TWSG1: variants seen among roughly 807,000 people sequenced by gnomAD.
TWSG1 encodes the protein twisted gastrulation protein homolog 1.
In TWSG1, 15 loss-of-function variants were observed where a neutral mutation model predicts 23.0. The observed-to-expected ratio is 0.65, with a 90% CI of 0.44 to 1.00. The LOEUF is 1.00. Among genes scored for constraint, TWSG1 ranks in the 50% least tolerant of loss-of-function variants. The pLI is 0.00. For missense variants in TWSG1, 242 were observed against 278.7 expected, an observed-to-expected ratio of 0.87 and a Z score of 0.94; for synonymous variants, 86 against 92.8, an observed-to-expected ratio of 0.93 and a Z score of 0.42.
chr18:9,349,020 A>G (rs975003117), intron 2 of TWSG1, among the ~76,000 whole-genome samples: 11 of 152,132 alleles, frequency 7.2e-5, no homozygotes, highest in Admixed American at 3.9e-4. Context: ...GGTGGTCCCT[A>G]TATAAATATT....
chr18:9,344,590 G>A (rs1327332098), intron 2 of TWSG1, among the ~76,000 whole-genome samples: 1 of 146,098 alleles, frequency 6.8e-6, no homozygotes, highest in Non-Finnish European at 1.5e-5. Flanking sequence ...GTGCAGTGGT[G>A]CAATCACGGC....
At chr18:9,388,926 C>G (rs1160351173) in intron 3 of TWSG1, among the ~76,000 whole-genome samples, 1 of 151,996 alleles carries the variant, frequency 6.6e-6, no homozygotes, top group Admixed American at 6.6e-5. Flanking sequence ...TGTTTACCTT[C>G]AACTCTATTT....
At chr18:9,386,321 G>A (rs745772890) in intron 3 of TWSG1, among the ~76,000 whole-genome samples, 1 of 151,744 alleles carries the variant, frequency 6.6e-6, no homozygotes, top group Non-Finnish European at 1.5e-5. Flanking sequence ...TTAGCCGGGC[G>A]TGGTAGTGGG....
intron 3 of TWSG1, among the ~76,000 whole-genome samples, chr18:9,366,355 G>A (rs1047438911): frequency 6.6e-6 from 1 of 152,210 alleles, no homozygotes; most frequent in Non-Finnish European, 1.5e-5. Flanking sequence ...GAAAAGGTGG[G>A]TGGTGTCAGG....
chr18:9,335,231 G>C (rs1229615511), intron 1 of TWSG1, among the ~76,000 whole-genome samples: 1 of 152,152 alleles, frequency 6.6e-6, no homozygotes, highest in Non-Finnish European at 1.5e-5. Flanking sequence ...CCCCCACACC[G>C]CTACCGGCCT....
At chr18:9,378,109 A>C (rs964536582) in intron 3 of TWSG1, among the ~76,000 whole-genome samples, 3 of 152,256 alleles carry the variant, frequency 2.0e-5, no homozygotes, top group African/African-American at 7.2e-5. Context: ...TGCAAAAGAC[A>C]CTGTAAAGAA....
intron 3 of TWSG1, among the ~76,000 whole-genome samples, chr18:9,370,490 T>G (rs2040600182): frequency 6.6e-6 from 1 of 152,334 alleles, no homozygotes; most frequent in African/African-American, 2.4e-5. Context: ...GGATAATGCC[T>G]TATGTACTTT....
At chr18:9,366,228 G>A (rs1678926690) in intron 3 of TWSG1, among the ~76,000 whole-genome samples, 1 of 152,198 alleles carries the variant, frequency 6.6e-6, no homozygotes, top group Admixed American at 6.5e-5. Context: ...AGACCAGGCT[G>A]TGAAGCCTGC....
chr18:9,387,357 C>T (rs1484620611), intron 3 of TWSG1, among the ~76,000 whole-genome samples: 4 of 152,090 alleles, frequency 2.6e-5, no homozygotes, highest in African/African-American at 9.7e-5. Flanking sequence ...TTGAAATATA[C>T]ACAGAAGTGG....
chr18:9,385,308 G>A (rs2040676845), intron 3 of TWSG1, among the ~76,000 whole-genome samples: 1 of 152,198 alleles, frequency 6.6e-6, no homozygotes, highest in Non-Finnish European at 1.5e-5. Context: ...ACCCAGGCAA[G>A]GCCTCCTCAT....
chr18:9,354,013 A>G lies in TWSG1; in HGVS notation c.124-5959A>G, dbSNP rs190567936. Among the ~76,000 whole-genome samples, 249 of 152,360 alleles carry G rather than the reference A, an allele frequency of 1.6e-3. 1 individual carries two copies. Among genetic ancestry groups the G allele is most frequent in the African/African-American group, 5.6e-3 (231 of 41,590 alleles). ...AAGATATAATAATGCCTTTGATTAA[A>G]CAATCTAAAGAATTATCTAAGTTTA... On this transcript the variant is annotated intron_variant, in intron 2 of 4. Coordinates refer to ENST00000262120, the MANE Select transcript of TWSG1 (RefSeq NM_020648.6).
intron 4 of TWSG1, among the ~76,000 whole-genome samples, chr18:9,398,611 C>A (rs533835091): frequency 6.5e-4 from 99 of 152,020 alleles, no homozygotes; most frequent in Admixed American, 9.8e-4. Context: ...GTACCCACCA[C>A]CATGCCCGGT....
intron 3 of TWSG1, among the ~76,000 whole-genome samples, chr18:9,366,624 C>G (rs2040580198): frequency 6.6e-6 from 1 of 152,168 alleles, no homozygotes; most frequent in Non-Finnish European, 1.5e-5. Context: ...CAGGTCAGAT[C>G]TAGATAGATC....
At chr18:9,389,101 C>T (rs1461607430) in intron 3 of TWSG1, among the ~76,000 whole-genome samples, 7 of 151,978 alleles carry the variant, frequency 4.6e-5, no homozygotes, top group East Asian at 1.9e-4. Context: ...CTCAGCCTCC[C>T]GAGTAGCTGG....
At chr18:9,348,097 G>A (rs2040485651) in intron 2 of TWSG1, among the ~76,000 whole-genome samples, 1 of 152,216 alleles carries the variant, frequency 6.6e-6, no homozygotes, top group Non-Finnish European at 1.5e-5. Flanking sequence ...TGGACTTACA[G>A]CAGAGAACAC....
intron 3 of TWSG1, among the ~76,000 whole-genome samples, chr18:9,376,504 A>G (rs891912877): frequency 6.6e-6 from 1 of 152,142 alleles, no homozygotes; most frequent in Non-Finnish European, 1.5e-5. Context: ...GGCCCTTTGT[A>G]TCTTTGGGTT....
At chr18:9,347,318 A>C (rs890210680) in intron 2 of TWSG1, among the ~76,000 whole-genome samples, 1 of 152,194 alleles carries the variant, frequency 6.6e-6, no homozygotes, top group Non-Finnish European at 1.5e-5. Context: ...AGAAGTTTAA[A>C]ATTTCAATAA....
rs544419372 is a variant in TWSG1 at position 9,368,991 on chromosome 18, CCCAGCTACTCAGGAGGCTG to C, written c.223+8921_223+8939del. ...GAGTGTGGTGGCACACACTTGTAAT[CCCAGCTACTCAGGAGGCTG>C]AGGCACGAGAATTGCCTGAACCCAG... On this transcript the variant is annotated intron_variant, in intron 3 of 4. Coordinates refer to ENST00000262120, the MANE Select transcript of TWSG1 (RefSeq NM_020648.6). Among the ~76,000 whole-genome samples, 274 of 151,032 alleles carry C rather than the reference CCCAGCTACTCAGGAGGCTG, an allele frequency of 1.8e-3. 3 individuals are homozygous for C. Among genetic ancestry groups the C allele is most frequent in the African/African-American group, 6.4e-3 (264 of 41,092 alleles).
At chr18:9,392,770 G>T (rs535982749) in intron 3 of TWSG1, among the ~76,000 whole-genome samples, 91 of 152,142 alleles carry the variant, frequency 6.0e-4, no homozygotes, top group Non-Finnish European at 9.1e-4. Flanking sequence ...AGAGCAGACA[G>T]ACATTTCTAA....
Sources: allele counts gnomAD v4.1 joint callset (sites outside exome capture counted in the v4.1 genomes callset), GRCh38; gene constraint gnomAD v4.1.1; transcripts MANE v1.5; gene names NCBI Gene and HGNC (gene_info 2026-07-23, HGNC 2026-07-21).